Variants in RPE65 observed in about 807,000 individuals in gnomAD.
RPE65 encodes the protein retinoid isomerohydrolase RPE65.
In RPE65, 58 loss-of-function variants were observed where a neutral mutation model predicts 68.5. The ratio of observed to expected loss-of-function variants is 0.85; its 90% CI spans 0.69 to 1.05. RPE65 has a LOEUF of 1.05. Among genes scored for constraint, RPE65 ranks in the 50% least tolerant of loss-of-function variants. The pLI, the probability that RPE65 is intolerant of heterozygous loss-of-function variation, is 0.00. For synonymous variants in RPE65, 220 were observed against 222.2 expected (o/e 0.99, Z 0.09); for missense variants, 643 against 629.9 (o/e 1.02, Z -0.22).
intron 10 of RPE65, among the ~76,000 whole-genome samples, chr1:68,436,023 T>C (rs1263996373): frequency 6.6e-6 from 1 of 152,246 alleles, no homozygotes; most frequent in South Asian, 2.1e-4. Context: ...CAGTTCCCTA[T>C]TCTATAATTG....
intron 5 of RPE65, among the ~76,000 whole-genome samples, chr1:68,442,114 T>C (rs150037382): frequency 2.9e-3 from 436 of 152,346 alleles, no homozygotes; most frequent in African/African-American, 0.01. Flanking sequence ...ATTTCCATTA[T>C]TGCAGAAAGT....
intron 3 of RPE65, among the ~76,000 whole-genome samples, chr1:68,446,272 A>G (rs1197282119): frequency 1.3e-5 from 2 of 152,132 alleles, no homozygotes; most frequent in African/African-American, 2.4e-5. Flanking sequence ...AAGATGGCCA[A>G]TGGTTTAATA....
chr1:68,429,402 T>A lies in RPE65; in HGVS notation c.*374A>T, dbSNP rs1645804002. 18 of 265,144 alleles carry A rather than the reference T, an allele frequency of 6.8e-5. 2 individuals are homozygous for A. The South Asian group carries it at 7.5e-4, about 11-fold the overall frequency. 16.4% of individuals were successfully genotyped at this position (265,144 alleles called of 1,614,324 possible). A position where few individuals can be genotyped will look rare whatever the true frequency, so the allele number is the denominator to read the frequency against. ...AGCCACATATAATATAAATCAAGTG[T>A]AGAGGACTTTGGTTTTTAAATGTTA... On this transcript the variant is annotated 3_prime_UTR_variant, in exon 14 of 14. Transcript: ENST00000262340.
chr1:68,440,806 A>T, intron 6 of RPE65, 47 bp downstream of exon 6: 1 of 1,606,250 alleles, frequency 6.2e-7, no homozygotes, highest in Non-Finnish European at 8.5e-7. Flanking sequence ...TAACTTTCTC[A>T]CAATATAGAC....
At chr1:68,446,978 C>A (rs1308667347) in intron 2 of RPE65, 118 bp from the exon 3 acceptor site, 36 of 1,355,766 alleles carry the variant, frequency 2.7e-5, no homozygotes, top group Non-Finnish European at 3.7e-5. Flanking sequence ...ATAGAGCTGG[C>A]AGTGATTTTC....
At chr1:68,440,588 T>G (rs1215895380) in intron 6 of RPE65, among the ~76,000 whole-genome samples, 2 of 152,108 alleles carry the variant, frequency 1.3e-5, no homozygotes, top group Non-Finnish European at 2.9e-5. Context: ...ATCAAATCCA[T>G]ATATATATAT....
At chr1:68,444,468 T>C in intron 5 of RPE65, 63 bp downstream of exon 5, 2 of 1,585,426 alleles carry the variant, frequency 1.3e-6, no homozygotes, top group South Asian at 1.1e-5. Flanking sequence ...GAATAATTTA[T>C]GTTGAATTAA....
chr1:68,444,590 A>T lies in RPE65; in HGVS notation c.436T>A (p.Cys146Ser). The change falls in exon 5 of 14, where the codon TGC becomes AGC. Residue 146 changes from cysteine (C) to serine (S), a missense_variant. Coordinates refer to ENST00000262340, the MANE Select transcript of RPE65 (RefSeq NM_000329.3). ...TTTGTAATAAAGTTGGTCTCTGTGC[A>T]AGCGTAGTAATCTTCCCCCACTGGG... ...VYPVGEDYYACTETNFITKIN... is the reference protein window; with the variant it reads ...VYPVGEDYYASTETNFITKIN... 1 of 1,614,188 alleles carries T rather than the reference A, an allele frequency of 6.2e-7. No homozygotes were observed.
rs3118417 is a variant in RPE65, at chr1:68,428,954, T to C, written c.*822A>G. The C allele has an allele frequency of 9.2e-5, 14 of 152,160 alleles. No individual in the cohort carries two copies. Among genetic ancestry groups the C allele is most frequent in the African/African-American group, 3.1e-4 (13 of 41,472 alleles). The allele number at this position is 152,160 out of a possible 1,614,324, so 9.4% of individuals were successfully genotyped here. ...CCCAAGTGATTGCACAATGCTTAAATACAATTAAACAAAAAAGATGCAATA... is the reference window on the plus strand; with the variant it reads ...CCCAAGTGATTGCACAATGCTTAAACACAATTAAACAAAAAAGATGCAATA... On this transcript the variant is annotated 3_prime_UTR_variant, in exon 14 of 14. Coordinates refer to ENST00000262340, the MANE Select transcript of RPE65 (RefSeq NM_000329.3).
At chr1:68,432,468 G>A (rs1291835074) in intron 10 of RPE65, among the ~76,000 whole-genome samples, 1 of 152,128 alleles carries the variant, frequency 6.6e-6, no homozygotes, top group East Asian at 1.9e-4. Context: ...CTTAGAAGAT[G>A]AGAGAATTAG....
intron 3 of RPE65, 47 bp from the exon 4 acceptor site, chr1:68,444,930 G>A (rs752177964): frequency 1.2e-5 from 19 of 1,530,408 alleles, no homozygotes; most frequent in South Asian, 7.9e-5. Context: ...GGAGCAATCC[G>A]TACAGCCCAT....
chr1:68,435,786 A>G (rs1290219106), intron 10 of RPE65, among the ~76,000 whole-genome samples: 1 of 152,162 alleles, frequency 6.6e-6, no homozygotes, highest in Non-Finnish European at 1.5e-5. Context: ...TTAACAAATC[A>G]ATTTATCCCT....
intron 10 of RPE65, among the ~76,000 whole-genome samples, chr1:68,437,702 G>T (rs974236379): frequency 1.3e-5 from 2 of 152,146 alleles, no homozygotes; most frequent in Non-Finnish European, 2.9e-5. Flanking sequence ...GAAATAAAGA[G>T]ATGACTGTCT....
chr1:68,429,531 T>G lies in RPE65; in HGVS notation c.*245A>C. 4.0e-6 allele frequency: 2 copies of G among 500,750 alleles called. No homozygotes were observed. Among genetic ancestry groups the G allele is most frequent in the Non-Finnish European group, 7.2e-6 (2 of 278,600 alleles). 31.0% of individuals were successfully genotyped at this position (500,750 alleles called of 1,614,324 possible). A position where few individuals can be genotyped will look rare whatever the true frequency, so the allele number is the denominator to read the frequency against. On this transcript the variant is annotated 3_prime_UTR_variant, in exon 14 of 14. Coordinates refer to ENST00000262340, the MANE Select transcript of RPE65 (RefSeq NM_000329.3). ...CATTTCCTATTTGATTGCTAAATATTTAAGAGTTTTTCAGTTATGGCCTGT... is the reference window on the plus strand; with the variant it reads ...CATTTCCTATTTGATTGCTAAATATGTAAGAGTTTTTCAGTTATGGCCTGT...
At chr1:68,434,115 T>C (rs12034425) in intron 10 of RPE65, among the ~76,000 whole-genome samples, 24,639 of 98,870 alleles carry the variant, frequency 0.25, 2,477 homozygotes, top group African/African-American at 0.38. Flanking sequence ...TATATATATA[T>C]ACACACACAC....
In RPE65 at chr1:68,449,944, G is replaced by T. The variant is rs752014088; in HGVS notation, c.-39C>A. On this transcript the variant is annotated 5_prime_UTR_variant, in exon 1 of 14. Transcript: ENST00000262340. ...AGGATCCAGAGTTCTGGCACCAACT[G>T]CAGAATGAAGAAGGAAGTTCTCAGC... The T allele has an allele frequency of 1.1e-5, 17 of 1,613,212 alleles. No homozygotes were observed. Among genetic ancestry groups the T allele is most frequent in the Non-Finnish European group, 1.4e-5 (16 of 1,179,350 alleles).
At chr1:68,443,760 C>T (rs531472889) in intron 5 of RPE65, among the ~76,000 whole-genome samples, 1 of 152,052 alleles carries the variant, frequency 6.6e-6, no homozygotes, top group South Asian at 2.1e-4. Flanking sequence ...CATTAAGTCA[C>T]CTGAAGACAA....
chr1:68,429,581 A>G lies in RPE65; in HGVS notation c.*195T>C. The G allele has an allele frequency of 1.6e-6, 1 of 621,210 alleles. No homozygotes were observed. Among genetic ancestry groups the G allele is most frequent in the Non-Finnish European group, 2.8e-6 (1 of 357,580 alleles). 38.5% of individuals were successfully genotyped at this position (621,210 alleles called of 1,614,324 possible). A position where few individuals can be genotyped will look rare whatever the true frequency, so the allele number is the denominator to read the frequency against. On this transcript the variant is annotated 3_prime_UTR_variant, in exon 14 of 14. Coordinates refer to ENST00000262340, the MANE Select transcript of RPE65 (RefSeq NM_000329.3). ...TCTCACAGAGGAAGTATGATTATCT[A>G]AATACGTACTTTTTTTTTTAAATAA...
chr1:68,432,067 GAA>G (rs534707137), intron 10 of RPE65, among the ~76,000 whole-genome samples: 1 of 122,110 alleles, frequency 8.2e-6, no homozygotes, highest in Non-Finnish European at 1.8e-5. Context: ...TTGACAAAAA[GAA>G]AAAAAAAAAA....
Sources: gnomAD v4.1 joint callset for allele counts (sites outside exome capture counted in the v4.1 genomes callset) on GRCh38, gnomAD v4.1.1 for gene constraint, MANE v1.5 for transcripts, NCBI Gene and HGNC (gene_info 2026-07-23, HGNC 2026-07-21) for gene names.